The following NAV3 variants were observed in gnomAD, a reference collection of about 807,000 sequenced individuals.
NAV3 encodes the protein pore membrane and/or filament interacting like protein 1.
In NAV3, 87 loss-of-function variants were observed where a neutral mutation model predicts 244.7. That is an observed-to-expected ratio of 0.36 (90% CI 0.30 to 0.42). The LOEUF (loss-of-function observed/expected upper bound fraction) is 0.42, where lower values mean the gene tolerates loss of function less well. Ranked by LOEUF, NAV3 falls within the 20% of genes least tolerant of loss-of-function variation. The pLI is 1.00. For missense variants in NAV3, 2,663 were observed against 2,893.3 expected (o/e 0.92, Z 1.83); for synonymous variants, 1,126 against 1,042.2 (o/e 1.08, Z -1.55).
At chr12:77,648,086 T>C (rs1011038792) in intron 2 of NAV3, among the ~76,000 whole-genome samples, 1 of 152,096 alleles carries the variant, frequency 6.6e-6, no homozygotes, top group Non-Finnish European at 1.5e-5. Context: ...TTGGTCTGTT[T>C]GAAAAATCAT....
At chr12:77,657,026 C>G (rs1380073178) in intron 2 of NAV3, among the ~76,000 whole-genome samples, 1 of 152,130 alleles carries the variant, frequency 6.6e-6, no homozygotes, top group East Asian at 1.9e-4. Context: ...AAAATTGACA[C>G]CCTAGCATCA....
intron 12 of NAV3, among the ~76,000 whole-genome samples, chr12:78,071,089 A>G (rs1220023890): frequency 6.6e-6 from 1 of 152,002 alleles, no homozygotes; most frequent in Non-Finnish European, 1.5e-5. Context: ...GGCTGGGTCA[A>G]ATGGTATTTC....
At chr12:78,127,268 G>GTC in intron 17 of NAV3, 60 bp downstream of exon 17, 1 of 1,493,888 alleles carries the variant, frequency 6.7e-7, no homozygotes, top group Non-Finnish European at 9.3e-7. Flanking sequence ...TTTGTGTGCT[G>GTC]TCTCTCTTCC....
At chr12:78,127,542 T>C (rs955531936) in intron 17 of NAV3, among the ~76,000 whole-genome samples, 6 of 152,166 alleles carry the variant, frequency 3.9e-5, no homozygotes. Flanking sequence ...GCAGCAACTT[T>C]GGTAGAATGC....
intron 2 of NAV3, among the ~76,000 whole-genome samples, chr12:77,664,399 G>C (rs1873619925): frequency 6.6e-6 from 1 of 152,134 alleles, no homozygotes. Context: ...ATATTCAATA[G>C]GTTGGTATCC....
At chr12:78,082,537 G>A (rs976771542) in intron 12 of NAV3, among the ~76,000 whole-genome samples, 7 of 151,718 alleles carry the variant, frequency 4.6e-5, no homozygotes, top group Non-Finnish European at 1.0e-4. Context: ...CGCTGTGTAT[G>A]ATTTCTGTTA....
chr12:77,771,476 G>A (rs1870082545), intron 2 of NAV3, among the ~76,000 whole-genome samples: 1 of 152,144 alleles, frequency 6.6e-6, no homozygotes, highest in South Asian at 2.1e-4. Flanking sequence ...CATGTTTATT[G>A]CAGCACTATT....
At chr12:77,940,785 C>A (rs1317622982) in intron 2 of NAV3, among the ~76,000 whole-genome samples, 1 of 152,172 alleles carries the variant, frequency 6.6e-6, no homozygotes, top group Admixed American at 6.5e-5. Flanking sequence ...GAAACTGTAT[C>A]CTGATCCAGC....
At chr12:78,099,783 T>C (rs1399130001) in intron 12 of NAV3, among the ~76,000 whole-genome samples, 4 of 151,964 alleles carry the variant, frequency 2.6e-5, no homozygotes, top group African/African-American at 9.6e-5. Context: ...TTATCTCCTT[T>C]GTGATTTCAG....
intron 5 of NAV3, among the ~76,000 whole-genome samples, chr12:77,994,295 C>T (rs149289274): frequency 1.3e-5 from 2 of 152,324 alleles, no homozygotes; most frequent in Non-Finnish European, 2.9e-5. Context: ...ACTTATTAGA[C>T]AGAAACCAGA....
intron 12 of NAV3, among the ~76,000 whole-genome samples, chr12:78,097,698 T>C (rs1334859041): frequency 6.6e-6 from 1 of 152,170 alleles, no homozygotes; most frequent in Non-Finnish European, 1.5e-5. Flanking sequence ...ATAAGAAATA[T>C]TTTATTGAAT....
chr12:77,882,332 G>A (rs1237360531), intron 1 of NAV3, among the ~76,000 whole-genome samples: 11 of 152,122 alleles, frequency 7.2e-5, no homozygotes, highest in African/African-American at 2.7e-4. Flanking sequence ...AGTGGGGAAA[G>A]GACTCTCTAT....
chr12:77,581,461 C>T (rs1256510275), intron 2 of NAV3, among the ~76,000 whole-genome samples: 1 of 152,068 alleles, frequency 6.6e-6, no homozygotes, highest in Non-Finnish European at 1.5e-5. Flanking sequence ...GGTTAAAAAT[C>T]AATTCAAAAT....
At chr12:78,079,558 T>TAA (rs1317041570) in intron 12 of NAV3, among the ~76,000 whole-genome samples, 5 of 152,212 alleles carry the variant, frequency 3.3e-5, no homozygotes, top group African/African-American at 1.2e-4. Context: ...TAGCACACCA[T>TAA]AAGTATATTA....
intron 2 of NAV3, among the ~76,000 whole-genome samples, chr12:77,576,123 T>A (rs1352467299): frequency 6.6e-6 from 1 of 152,048 alleles, no homozygotes; most frequent in Non-Finnish European, 1.5e-5. Context: ...CATCTGTCCT[T>A]CCGTCCTTCT....
At chr12:77,766,342 A>C (rs1869752153) in intron 2 of NAV3, among the ~76,000 whole-genome samples, 1 of 152,188 alleles carries the variant, frequency 6.6e-6, no homozygotes, top group South Asian at 2.1e-4. Flanking sequence ...CTCAAAGGAA[A>C]ACTTAACTCC....
Position 77,573,821 on chromosome 12 carries a change from G to A in NAV3, c.72+1555G>A, listed in dbSNP as rs373951408. 3.3e-5 allele frequency among the ~76,000 whole-genome samples: 5 copies of A among 152,244 alleles called. No individual in the cohort carries two copies. The South Asian group carries it at 6.2e-4, about 19-fold the overall frequency. ...GCTGCTTTTATGACAAAAAAGATGA[G>A]TACCTCTGCAGGTGCTGCCTTTTCA... On this transcript the variant is annotated intron_variant, in intron 2 of 8. Transcript: ENST00000550042.
chr12:77,695,712 G>A (rs1394599981), intron 2 of NAV3, among the ~76,000 whole-genome samples: 1 of 152,038 alleles, frequency 6.6e-6, no homozygotes. Context: ...CATATATATT[G>A]CAAGATGTTG....
rs1250690642 is a variant in NAV3 at position 77,852,795 on chromosome 12, A to G, written c.243+21091A>G. On this transcript the variant is annotated intron_variant, in intron 1 of 39. Transcript: ENST00000397909. ...TTACAATTGCTGTCTGACATTTACA[A>G]TTACAATTTAGATTCCTTATTCTCG... is the stretch of plus-strand genomic sequence containing the variant. Among the ~76,000 whole-genome samples the G allele has an allele frequency of 2.6e-5, 4 of 152,312 alleles. No homozygotes were observed. In the East Asian group the frequency reaches 7.7e-4, roughly 29 times the overall value.
Sources: gnomAD v4.1 joint callset for allele counts (sites outside exome capture counted in the v4.1 genomes callset) on GRCh38, gnomAD v4.1.1 for gene constraint, MANE v1.5 for transcripts, NCBI Gene and HGNC (gene_info 2026-07-23, HGNC 2026-07-21) for gene names.